PRDM5: variants seen among roughly 807,000 people sequenced by gnomAD.
PRDM5 encodes PR/SET domain 5.
A neutral mutation model predicts 81.2 loss-of-function variants in PRDM5; 56 were observed. The observed-to-expected ratio is 0.69, with a 90% CI of 0.56 to 0.86. The LOEUF (loss-of-function observed/expected upper bound fraction) is 0.86, where lower values mean the gene tolerates loss of function less well. Ranked by LOEUF, PRDM5 falls within the 40% of genes least tolerant of loss-of-function variation. The probability of loss-of-function intolerance (pLI) is 0.00; values close to 1 mark genes in which losing one functional copy is unlikely to be tolerated. For missense variants in PRDM5, 697 were observed against 770.1 expected (o/e 0.91, Z 1.12); for synonymous variants, 267 against 256.4 (o/e 1.04, Z -0.39).
At chr4:120,764,643 A>T (rs764930564) in intron 13 of PRDM5, among the ~76,000 whole-genome samples, 20 of 152,144 alleles carry the variant, frequency 1.3e-4, no homozygotes, top group Non-Finnish European at 2.8e-4. Flanking sequence ...ATCTGAAATT[A>T]TTTAAAGTGT....
chr4:120,800,047 C>G (rs948571922), intron 8 of PRDM5, among the ~76,000 whole-genome samples: 21 of 152,272 alleles, frequency 1.4e-4, no homozygotes, highest in African/African-American at 4.8e-4. Flanking sequence ...TATATAGTAA[C>G]TCTTCTGTTA....
intron 3 of PRDM5, among the ~76,000 whole-genome samples, chr4:120,824,653 T>C (rs1561393967): frequency 6.6e-6 from 1 of 152,206 alleles, no homozygotes; most frequent in South Asian, 2.1e-4. Context: ...TTCATTTTGC[T>C]TTATTTTATT....
intron 1 of PRDM5, among the ~76,000 whole-genome samples, chr4:120,914,078 T>C (rs955690802): frequency 6.6e-6 from 1 of 151,648 alleles, no homozygotes; most frequent in Non-Finnish European, 1.5e-5. Flanking sequence ...AAAAGGAAGA[T>C]AAGGCAGAAG....
intron 10 of PRDM5, among the ~76,000 whole-genome samples, chr4:120,791,297 T>C (rs1332601025): frequency 3.9e-5 from 6 of 152,208 alleles, no homozygotes; most frequent in Admixed American, 3.9e-4. Flanking sequence ...AGTAGATTTA[T>C]ATGAACTAAC....
intron 15 of PRDM5, among the ~76,000 whole-genome samples, chr4:120,702,454 T>C (rs1735525142): frequency 6.6e-6 from 1 of 152,198 alleles, no homozygotes; most frequent in African/African-American, 2.4e-5. Flanking sequence ...AATGCTCTCA[T>C]AGCGGCCTTT....
At position 120,798,312 on chromosome 4, in the gene PRDM5, A is replaced by G; in HGVS notation, c.1143T>C (p.Cys381=). The change falls in exon 10 of 16, where the codon TGT becomes TGC. Residue 381 remains cysteine, a synonymous_variant. Coordinates refer to ENST00000264808, the MANE Select transcript of PRDM5 (RefSeq NM_018699.4). Reference sequence around the variant, plus strand: ...CATTTCTGTGGGCAAATCCCTTTCCACAAAGTTTGCATTTGTAAGGTTTGT... The same window carrying G: ...CATTTCTGTGGGCAAATCCCTTTCCGCAAAGTTTGCATTTGTAAGGTTTGT... ...SEDKPYKCKL[C]GKGFAHRNVY... is the part of the protein sequence containing the mutation. 2 of 1,611,030 alleles carry G rather than the reference A, an allele frequency of 1.2e-6. No individual in the cohort carries two copies. Among genetic ancestry groups the G allele is most frequent in the Non-Finnish European group, 1.7e-6 (2 of 1,178,472 alleles).
At chr4:120,842,827 C>T (rs2149395952) in intron 3 of PRDM5, among the ~76,000 whole-genome samples, 1 of 152,218 alleles carries the variant, frequency 6.6e-6, no homozygotes, top group Middle Eastern at 3.4e-3. Flanking sequence ...AACCAAAAGC[C>T]CCAAATCAAT....
intron 8 of PRDM5, among the ~76,000 whole-genome samples, chr4:120,805,374 G>C (rs1349763473): frequency 1.3e-5 from 2 of 152,078 alleles, no homozygotes; most frequent in Admixed American, 6.6e-5. Flanking sequence ...ATCCTGATAC[G>C]AAAGCCTGGC....
chr4:120,791,874 C>T (rs1486938186), intron 10 of PRDM5, among the ~76,000 whole-genome samples: 3 of 152,170 alleles, frequency 2.0e-5, no homozygotes, highest in Non-Finnish European at 4.4e-5. Flanking sequence ...AGAGCTTGCA[C>T]TCCCTCTTTC....
chr4:120,788,434 G>C (rs1199771407), intron 10 of PRDM5, among the ~76,000 whole-genome samples: 1 of 152,102 alleles, frequency 6.6e-6, no homozygotes, highest in Non-Finnish European at 1.5e-5. Context: ...AGTGATATTT[G>C]ACAGAATGTT....
Position 120,789,467 on chromosome 4 carries a change from T to C in PRDM5, c.1189-4376A>G, listed in dbSNP as rs538723875. 2.6e-5 allele frequency among the ~76,000 whole-genome samples: 4 copies of C among 152,334 alleles called. No homozygotes were observed. In the East Asian group the frequency reaches 7.7e-4, roughly 29 times the overall value. ...TTTCTTGGTAATGGTATTTCTTCTT[T>C]GGGGTATGTGCAAACCAATAAAACT... On this transcript the variant is annotated intron_variant, in intron 10 of 15. Transcript: ENST00000264808.
At chr4:120,903,676 T>C (rs1765447995) in intron 2 of PRDM5, among the ~76,000 whole-genome samples, 1 of 152,194 alleles carries the variant, frequency 6.6e-6, no homozygotes, top group South Asian at 2.1e-4. Context: ...CATGTGTAAA[T>C]GGCAGGGCCA....
intron 2 of PRDM5, among the ~76,000 whole-genome samples, chr4:120,854,313 G>T (rs1232925706): frequency 1.3e-5 from 2 of 152,010 alleles, no homozygotes; most frequent in Non-Finnish European, 1.5e-5. Context: ...GACTTGCCCA[G>T]TTTATAAAAC....
At chr4:120,840,439 C>A (rs1413916255) in intron 3 of PRDM5, among the ~76,000 whole-genome samples, 2 of 152,076 alleles carry the variant, frequency 1.3e-5, no homozygotes, top group Non-Finnish European at 2.9e-5. Flanking sequence ...CCCTGGGCAG[C>A]CCCACGCAGA....
At chr4:120,913,450 T>C (rs1264311444) in intron 1 of PRDM5, among the ~76,000 whole-genome samples, 1 of 152,230 alleles carries the variant, frequency 6.6e-6, no homozygotes, top group Non-Finnish European at 1.5e-5. Flanking sequence ...CTCCAGTTGA[T>C]ATAGCAGAGG....
rs1030709952 is a variant in PRDM5, at chr4:120,833,435, C to T, written c.301-12090G>A. On this transcript the variant is annotated intron_variant, in intron 3 of 15. Transcript: ENST00000264808. ...TAGTAATAGCCCCAGAGTAGTGGTG[C>T]TAACAACTCAGATATTCCCAAAAGA... 5.3e-5 allele frequency among the ~76,000 whole-genome samples: 8 copies of T among 152,140 alleles called. No homozygotes were observed. In the South Asian group the frequency reaches 1.0e-3, roughly 20 times the overall value.
intron 2 of PRDM5, among the ~76,000 whole-genome samples, chr4:120,893,078 C>G (rs1409550642): frequency 6.6e-6 from 1 of 152,192 alleles, no homozygotes; most frequent in Non-Finnish European, 1.5e-5. Context: ...TTAAAGTCCC[C>G]TTGGACTCAA....
At chr4:120,895,861 C>T (rs768638762) in intron 2 of PRDM5, among the ~76,000 whole-genome samples, 11 of 152,150 alleles carry the variant, frequency 7.2e-5, no homozygotes, top group Non-Finnish European at 1.3e-4. Context: ...TTTGTAGAGA[C>T]AGGGTCTTGC....
At position 120,694,647 on chromosome 4, in the gene PRDM5, A is replaced by C; in HGVS notation, c.*464T>G. 6.2e-6 allele frequency: 1 copy of C among 161,098 alleles called. No homozygotes were observed. The highest frequency in any genetic ancestry group is 1.4e-5 in the Non-Finnish European group (1 of 72,750). The allele number at this position is 161,098 out of a possible 1,614,324, so 10.0% of individuals were successfully genotyped here. A position where few individuals can be genotyped will look rare whatever the true frequency, so the allele number is the denominator to read the frequency against. On this transcript the variant is annotated 3_prime_UTR_variant, in exon 16 of 16. Coordinates refer to ENST00000264808, the MANE Select transcript of PRDM5 (RefSeq NM_018699.4). ...TCCTCATCTGCAAAGAAATAGTTGG[A>C]TATCTTGATTTATTTCTATTTAAAT...
Sources: allele counts gnomAD v4.1 joint callset (sites outside exome capture counted in the v4.1 genomes callset), GRCh38; gene constraint gnomAD v4.1.1; transcripts MANE v1.5; gene names NCBI Gene and HGNC (gene_info 2026-07-23, HGNC 2026-07-21).